The following ADAMTS17 variants were observed in gnomAD, a reference collection of about 807,000 sequenced individuals.
ADAMTS17 encodes the protein ADAM metallopeptidase with thrombospondin type 1 motif 17.
In ADAMTS17, 113 loss-of-function variants were observed where a neutral mutation model predicts 141.5. That is an observed-to-expected ratio of 0.80 (90% confidence interval 0.69 to 0.93). The LOEUF is 0.93. Ranked by LOEUF, ADAMTS17 falls within the 40% of genes least tolerant of loss-of-function variation. ADAMTS17 has a pLI of 0.00. For missense variants in ADAMTS17, 1,659 were observed against 1,517.9 expected, an observed-to-expected ratio of 1.09 and a Z score of -1.54; for synonymous variants, 768 against 630.6, an observed-to-expected ratio of 1.22 and a Z score of -3.27.
chr15:100,107,765 G>C (rs1441023872), intron 14 of ADAMTS17, among the ~76,000 whole-genome samples: 1 of 152,136 alleles, frequency 6.6e-6, no homozygotes. Flanking sequence ...ATCTGCCTGT[G>C]CCTCAAGGCC....
chr15:100,084,744 G>A (rs1182991809), intron 15 of ADAMTS17, among the ~76,000 whole-genome samples: 3 of 152,164 alleles, frequency 2.0e-5, no homozygotes, highest in Non-Finnish European at 1.5e-5. Context: ...GTCTGCAGTG[G>A]AACTCCAGCA....
rs1008410509 is a variant in ADAMTS17 at position 100,315,096 on chromosome 15, A to G, written c.616+15793T>C. On this transcript the variant is annotated intron_variant, in intron 3 of 21. Coordinates refer to ENST00000268070, the MANE Select transcript of ADAMTS17 (RefSeq NM_139057.4). Reference sequence around the variant, plus strand: ...TCCCAGGTGGGAGACATCAGTCCACAGAACCCACCTGATCTCAGAGGTAAA... The same window carrying G: ...TCCCAGGTGGGAGACATCAGTCCACGGAACCCACCTGATCTCAGAGGTAAA... 6.6e-5 allele frequency among the ~76,000 whole-genome samples: 10 copies of G among 152,358 alleles called. No homozygotes were observed. The East Asian group carries it at 1.5e-3, about 24-fold the overall frequency.
At chr15:99,983,552 T>C (rs1409937330) in intron 20 of ADAMTS17, among the ~76,000 whole-genome samples, 3 of 152,130 alleles carry the variant, frequency 2.0e-5, no homozygotes, top group Non-Finnish European at 4.4e-5. Context: ...AACAGGATGT[T>C]TTGAGAATTA....
chr15:100,273,465 G>A (rs2043980889), intron 4 of ADAMTS17, among the ~76,000 whole-genome samples: 1 of 152,036 alleles, frequency 6.6e-6, no homozygotes, highest in African/African-American at 2.4e-5. Flanking sequence ...CTTCATCTAG[G>A]TTATCCATTT....
chr15:100,169,291 G>A (rs540299181), intron 8 of ADAMTS17, among the ~76,000 whole-genome samples: 2 of 152,280 alleles, frequency 1.3e-5, no homozygotes, highest in South Asian at 2.1e-4. Context: ...TGCCCCTGAG[G>A]TACAGGCAAA....
At chr15:99,999,240 C>T (rs1452129203) in intron 18 of ADAMTS17, among the ~76,000 whole-genome samples, 1 of 152,194 alleles carries the variant, frequency 6.6e-6, no homozygotes, top group Admixed American at 6.5e-5. Context: ...TATATAGCCA[C>T]TGAACCATAT....
At chr15:100,106,922 G>C (rs962444991) in intron 14 of ADAMTS17, among the ~76,000 whole-genome samples, 2 of 152,164 alleles carry the variant, frequency 1.3e-5, no homozygotes, top group African/African-American at 4.8e-5. Context: ...AGCCAGGAGG[G>C]GCCAGCTCAA....
At chr15:100,002,944 G>A (rs778393466) in intron 18 of ADAMTS17, among the ~76,000 whole-genome samples, 4 of 152,052 alleles carry the variant, frequency 2.6e-5, no homozygotes, top group African/African-American at 9.7e-5. Flanking sequence ...AGGTGTAGGT[G>A]CAGCCCACGG....
rs1039303083 is a variant in ADAMTS17, at chr15:100,254,325, C to T, written c.1032-146G>A. The T allele has an allele frequency of 7.6e-5, 57 of 749,140 alleles. No homozygotes were observed. In the Middle Eastern group the frequency reaches 1.0e-3, roughly 13 times the overall value. 46.4% of individuals were successfully genotyped at this position (749,140 alleles called of 1,614,324 possible). On this transcript the variant is annotated intron_variant, in intron 6 of 21. Transcript: ENST00000268070. ...CACAGCGAATGATAACAAACAGCAGCGTTTGGCAACAGTAATCCATCCACA... is the reference window on the plus strand; with the variant it reads ...CACAGCGAATGATAACAAACAGCAGTGTTTGGCAACAGTAATCCATCCACA...
chr15:100,268,081 T>C (rs1474765821), intron 4 of ADAMTS17, among the ~76,000 whole-genome samples: 1 of 152,200 alleles, frequency 6.6e-6, no homozygotes, highest in Non-Finnish European at 1.5e-5. Context: ...TTAATTCACT[T>C]AGGATAATGG....
chr15:100,027,386 A>G (rs1308182691), intron 18 of ADAMTS17, among the ~76,000 whole-genome samples: 1 of 152,136 alleles, frequency 6.6e-6, no homozygotes, highest in East Asian at 1.9e-4. Context: ...TTAGCTCCAC[A>G]ATTAAACATC....
intron 2 of ADAMTS17, among the ~76,000 whole-genome samples, chr15:100,334,389 C>A (rs892513479): frequency 1.2e-4 from 18 of 152,216 alleles, no homozygotes; most frequent in Non-Finnish European, 2.6e-4. Context: ...TCTGCAGCTC[C>A]TCAGTTAACA....
At chr15:100,263,692 G>C (rs2043609648) in intron 4 of ADAMTS17, among the ~76,000 whole-genome samples, 3 of 152,244 alleles carry the variant, frequency 2.0e-5, no homozygotes, top group African/African-American at 7.2e-5. Context: ...GGTACGCGGA[G>C]AGCATAGTAA....
intron 4 of ADAMTS17, 98 bp from the exon 5 acceptor site, chr15:100,262,533 A>G (rs984414604): frequency 2.3e-6 from 2 of 865,470 alleles, no homozygotes; most frequent in Non-Finnish European, 3.6e-6. Flanking sequence ...AAAAGAGATT[A>G]TGTAAAAATA....
intron 18 of ADAMTS17, among the ~76,000 whole-genome samples, chr15:100,002,880 CTTG>C (rs1049292301): frequency 2.7e-5 from 4 of 149,292 alleles, no homozygotes; most frequent in African/African-American, 7.7e-5. Context: ...AATCTCCCTC[CTTG>C]TCACAGCCCA....
At chr15:100,287,202 A>G (rs1348365569) in intron 3 of ADAMTS17, among the ~76,000 whole-genome samples, 1 of 152,148 alleles carries the variant, frequency 6.6e-6, no homozygotes, top group Non-Finnish European at 1.5e-5. Context: ...AAAAAACAAA[A>G]AAGATCTGAT....
intron 18 of ADAMTS17, among the ~76,000 whole-genome samples, chr15:100,025,773 T>C (rs546435730): frequency 6.6e-6 from 1 of 152,330 alleles, no homozygotes; most frequent in East Asian, 1.9e-4. Context: ...CCAATACACT[T>C]GATCTCAACT....
At chr15:100,155,740 C>T (rs2039404773) in intron 8 of ADAMTS17, among the ~76,000 whole-genome samples, 1 of 152,218 alleles carries the variant, frequency 6.6e-6, no homozygotes, top group Non-Finnish European at 1.5e-5. Flanking sequence ...TGGGTACCAT[C>T]CTAGACCTTG....
intron 7 of ADAMTS17, among the ~76,000 whole-genome samples, chr15:100,214,819 G>C (rs1249113519): frequency 3.3e-5 from 5 of 152,180 alleles, no homozygotes; most frequent in African/African-American, 1.2e-4. Flanking sequence ...AAGCGACACG[G>C]CACACTTCCT....
Sources: gnomAD v4.1 joint callset for allele counts (sites outside exome capture counted in the v4.1 genomes callset) on GRCh38, gnomAD v4.1.1 for gene constraint, MANE v1.5 for transcripts, NCBI Gene and HGNC (gene_info 2026-07-23, HGNC 2026-07-21) for gene names.